Variants in SGCZ observed in about 807,000 individuals in gnomAD.
SGCZ encodes zeta-sarcoglycan.
Under a neutral mutation model 41.3 loss-of-function variants are expected in SGCZ, and 40 were observed. The ratio of observed to expected loss-of-function variants is 0.97; its 90% CI spans 0.75 to 1.26. The LOEUF is 1.26. Among genes scored for constraint, SGCZ ranks in the 50% most tolerant of loss-of-function variants. The pLI, the probability that SGCZ is intolerant of heterozygous loss-of-function variation, is 0.00. For missense variants in SGCZ, 552 were observed against 369.8 expected (o/e 1.49, Z -4.04); for synonymous variants, 206 against 137.5 (o/e 1.50, Z -3.49).
At chr8:14,946,675 A>ATTTTTTTTTGTTTTTTTTTTTTTTTTTT (rs1800459032) in intron 1 of SGCZ, among the ~76,000 whole-genome samples, 1 of 132,246 alleles carries the variant, frequency 7.6e-6, no homozygotes, top group Non-Finnish European at 1.6e-5. Context: ...AGAAATCTGT[A>ATTTTTTTTTGTTTTTTTTTTTTTTTTTT]TTTTTTTTTT....
intron 3 of SGCZ, among the ~76,000 whole-genome samples, chr8:14,258,356 C>G (rs1329630420): frequency 1.3e-5 from 2 of 152,122 alleles, no homozygotes; most frequent in African/African-American, 4.8e-5. Flanking sequence ...TCTGCAAACA[C>G]ATGCCCTGTA....
chr8:15,190,844 G>C (rs1245993322), intron 1 of SGCZ, among the ~76,000 whole-genome samples: 1 of 151,934 alleles, frequency 6.6e-6, no homozygotes, highest in African/African-American at 2.4e-5. Flanking sequence ...GTTTGTAGCA[G>C]CTAAATGACT....
chr8:14,938,503 C>A lies in SGCZ; in HGVS notation c.39+299082G>T, dbSNP rs116851179. Among the ~76,000 whole-genome samples, 328 of 152,130 alleles carry A rather than the reference C, an allele frequency of 2.2e-3. 1 individual carries two copies. The highest frequency in any genetic ancestry group is 3.4e-3 in the Admixed American group (52 of 15,262). ...TTCCCTATAATTTTCTTAAAATTTT[C>A]TTTTTACTAGCTTACTTTATTATAA... On this transcript the variant is annotated intron_variant, in intron 1 of 7. Transcript: ENST00000382080.
intron 4 of SGCZ, among the ~76,000 whole-genome samples, chr8:14,197,571 T>C (rs1259809419): frequency 6.6e-6 from 1 of 152,076 alleles, no homozygotes; most frequent in African/African-American, 2.4e-5. Context: ...AATAATTATC[T>C]TAGTACCTAG....
At chr8:14,625,016 AT>A (rs201655027) in intron 1 of SGCZ, among the ~76,000 whole-genome samples, 8 of 151,870 alleles carry the variant, frequency 5.3e-5, no homozygotes, top group Middle Eastern at 3.4e-3. Flanking sequence ...TCTGTTAGTC[AT>A]TTTTTTTAAT....
At chr8:14,745,309 A>C (rs1305284877) in intron 1 of SGCZ, among the ~76,000 whole-genome samples, 1 of 152,184 alleles carries the variant, frequency 6.6e-6, no homozygotes, top group African/African-American at 2.4e-5. Flanking sequence ...CATGGCAGTC[A>C]CTACTAAGAT....
chr8:14,747,989 A>G (rs1045809969), intron 1 of SGCZ, among the ~76,000 whole-genome samples: 1 of 151,006 alleles, frequency 6.6e-6, no homozygotes, highest in African/African-American at 2.4e-5. Flanking sequence ...GCCACAAGGC[A>G]CTTTTTGATG....
intron 1 of SGCZ, among the ~76,000 whole-genome samples, chr8:15,177,648 T>C (rs1374364739): frequency 6.6e-6 from 1 of 152,156 alleles, no homozygotes; most frequent in Non-Finnish European, 1.5e-5. Context: ...CAAAGCAAGA[T>C]AAAGATCTAA....
chr8:14,738,693 A>G (rs1203946077), intron 1 of SGCZ, among the ~76,000 whole-genome samples: 1 of 152,094 alleles, frequency 6.6e-6, no homozygotes, highest in East Asian at 1.9e-4. Context: ...AGATTCCTTC[A>G]GAGGAGTCAT....
chr8:14,177,182 G>C (rs1245979138), intron 4 of SGCZ, among the ~76,000 whole-genome samples: 2 of 151,994 alleles, frequency 1.3e-5, no homozygotes, highest in African/African-American at 4.8e-5. Flanking sequence ...ATGAGTATGG[G>C]GACACTTGGA....
At chr8:15,160,753 G>A (rs1190078307) in intron 1 of SGCZ, among the ~76,000 whole-genome samples, 1 of 152,128 alleles carries the variant, frequency 6.6e-6, no homozygotes, top group Non-Finnish European at 1.5e-5. Context: ...GACTTCAATT[G>A]GTGCTCTGCT....
chr8:14,601,849 G>A (rs1179015019), intron 1 of SGCZ, among the ~76,000 whole-genome samples: 2 of 152,116 alleles, frequency 1.3e-5, no homozygotes, highest in Admixed American at 6.6e-5. Context: ...TGCCGGGCGC[G>A]GTGGCTCACG....
intron 1 of SGCZ, among the ~76,000 whole-genome samples, chr8:14,809,727 G>A (rs1052579407): frequency 9.9e-5 from 15 of 152,050 alleles, no homozygotes; most frequent in Admixed American, 1.3e-4. Flanking sequence ...AGAAGTGACC[G>A]CAGTACCCAT....
At chr8:14,092,807 T>G (rs1801729035) in intron 7 of SGCZ, among the ~76,000 whole-genome samples, 1 of 152,048 alleles carries the variant, frequency 6.6e-6, no homozygotes, top group African/African-American at 2.4e-5. Flanking sequence ...TTACCCAGTC[T>G]CGGGTATGTC....
chr8:14,196,089 G>A (rs1805258482), intron 4 of SGCZ, among the ~76,000 whole-genome samples: 1 of 152,000 alleles, frequency 6.6e-6, no homozygotes, highest in Non-Finnish European at 1.5e-5. Context: ...CAAAATTCAG[G>A]AGAGGAGAAA....
intron 2 of SGCZ, among the ~76,000 whole-genome samples, chr8:14,547,176 C>T (rs1428000207): frequency 6.6e-6 from 1 of 152,124 alleles, no homozygotes; most frequent in Non-Finnish European, 1.5e-5. Context: ...ACACTCTGTT[C>T]ATTAAAGAAA....
At chr8:14,520,440 G>C (rs923983813) in intron 2 of SGCZ, among the ~76,000 whole-genome samples, 1 of 152,126 alleles carries the variant, frequency 6.6e-6, no homozygotes, top group East Asian at 1.9e-4. Flanking sequence ...TTTGGACAGA[G>C]TGTAAGAAAC....
At chr8:15,092,301 C>G (rs1806182776) in intron 1 of SGCZ, among the ~76,000 whole-genome samples, 1 of 152,144 alleles carries the variant, frequency 6.6e-6, no homozygotes, top group Non-Finnish European at 1.5e-5. Flanking sequence ...AGAATCAGTA[C>G]TACAGTATAA....
At chr8:15,022,685 A>ATCTG in intron 1 of SGCZ, among the ~76,000 whole-genome samples, 1 of 152,194 alleles carries the variant, frequency 6.6e-6, no homozygotes, top group East Asian at 1.9e-4. Flanking sequence ...CATCTTGATG[A>ATCTG]TACAGGATCA....
Sources: allele counts gnomAD v4.1 joint callset (sites outside exome capture counted in the v4.1 genomes callset), GRCh38; gene constraint gnomAD v4.1.1; transcripts MANE v1.5; gene names NCBI Gene and HGNC (gene_info 2026-07-23, HGNC 2026-07-21).